The following COL24A1 variants were observed in gnomAD, a reference collection of about 807,000 sequenced individuals.
COL24A1 encodes the protein collagen alpha-1(XXIV) chain.
In COL24A1, 224 loss-of-function variants were observed where a neutral mutation model predicts 253.9. The observed-to-expected ratio is 0.88, with a 90% confidence interval of 0.79 to 0.99. The LOEUF (loss-of-function observed/expected upper bound fraction) is 0.99. Ranked by LOEUF, COL24A1 falls within the 50% of genes least tolerant of loss-of-function variation. The probability of loss-of-function intolerance (pLI) is 0.00; values close to 1 mark genes in which losing one functional copy is unlikely to be tolerated. For missense variants in COL24A1, 2,131 were observed against 2,068.5 expected (o/e 1.03, Z -0.59); for synonymous variants, 685 against 673.7 (o/e 1.02, Z -0.26).
Position 86,046,827 on chromosome 1 carries a change from GTC to G in COL24A1, c.1946_1947del (p.Arg649ThrfsTer6), listed in dbSNP as rs779258679. The G allele has an allele frequency of 1.4e-5, 23 of 1,611,372 alleles. No homozygotes were observed. Among genetic ancestry groups the G allele is most frequent in the Non-Finnish European group, 2.0e-5 (23 of 1,177,980 alleles). The stretch of plus-strand genomic sequence containing the variant: ...TCAAAAAACACAAATTAAGATACCT[GTC>G]TCCCCTTAAAACCCTTCTTTCCACG... Reference protein sequence around the residue: ...GIRGKKGFKGRQGFPGDFGDR... With the variant: ...GIRGKKGFKGXQGFPGDFGDR... On this transcript the variant is annotated frameshift_variant, in exon 12 of 60. Transcript: ENST00000370571. LOFTEE classifies it high-confidence loss of function.
chr1:86,032,021 C>T (rs527279703), intron 13 of COL24A1, 99 bp from the exon 14 acceptor site: 6 of 872,166 alleles, frequency 6.9e-6, no homozygotes, highest in African/African-American at 5.2e-5. Context: ...AAGAATACAT[C>T]AAAATGTACC....
intron 7 of COL24A1, among the ~76,000 whole-genome samples, chr1:86,088,792 G>A (rs967891961): frequency 3.3e-5 from 5 of 152,120 alleles, no homozygotes; most frequent in African/African-American, 1.2e-4. Context: ...AAGTCATAAA[G>A]TGACTTCAAG....
chr1:85,858,677 T>TTCCTTCCTTCCTTCCTTCCC (rs1553201597), intron 37 of COL24A1, among the ~76,000 whole-genome samples: 1 of 146,178 alleles, frequency 6.8e-6, no homozygotes, highest in East Asian at 2.0e-4. Flanking sequence ...CCTTCCTTCC[T>TTCCTTCCTTCCTTCCTTCCC]TCCCTCCGTC....
At chr1:86,146,245 A>G in intron 1 of COL24A1, 62 bp from the exon 2 acceptor site, 1 of 1,270,622 alleles carries the variant, frequency 7.9e-7, no homozygotes, top group Non-Finnish European at 1.1e-6. Context: ...ACCATATAGA[A>G]TCCAAAACAG....
chr1:86,024,501 G>T, intron 14 of COL24A1, among the ~76,000 whole-genome samples: 1 of 151,994 alleles, frequency 6.6e-6, no homozygotes, highest in Non-Finnish European at 1.5e-5. Flanking sequence ...ATTTCAGAAT[G>T]GAAAATAAGA....
At chr1:85,992,071 A>C (rs932421607) in intron 19 of COL24A1, among the ~76,000 whole-genome samples, 25 of 145,824 alleles carry the variant, frequency 1.7e-4, no homozygotes, top group Admixed American at 3.4e-4. Flanking sequence ...ATCCCTCTCC[A>C]CTCCCCCCAC....
chr1:85,819,990 G>A (rs575209910), intron 45 of COL24A1, among the ~76,000 whole-genome samples: 1 of 152,118 alleles, frequency 6.6e-6, no homozygotes, highest in South Asian at 2.1e-4. Context: ...TGGGATCACA[G>A]GCATGCACCA....
intron 7 of COL24A1, among the ~76,000 whole-genome samples, chr1:86,071,792 G>A (rs1701890266): frequency 6.6e-6 from 1 of 152,096 alleles, no homozygotes; most frequent in Non-Finnish European, 1.5e-5. Flanking sequence ...ATAATTGCTG[G>A]AGACTTCAAT....
At chr1:86,075,714 C>T (rs1702199727) in intron 7 of COL24A1, among the ~76,000 whole-genome samples, 1 of 152,164 alleles carries the variant, frequency 6.6e-6, no homozygotes, top group Non-Finnish European at 1.5e-5. Flanking sequence ...TCAGCTTCAT[C>T]CCTAGGATGC....
chr1:85,828,489 T>C (rs1674704293), intron 43 of COL24A1, among the ~76,000 whole-genome samples: 1 of 151,422 alleles, frequency 6.6e-6, no homozygotes, highest in Non-Finnish European at 1.5e-5. Context: ...GTTGACTTTC[T>C]GTCTCGTTGA....
At chr1:85,824,788 T>G (rs1361373464) in intron 43 of COL24A1, among the ~76,000 whole-genome samples, 2 of 152,138 alleles carry the variant, frequency 1.3e-5, no homozygotes, top group Non-Finnish European at 2.9e-5. Context: ...CTCAATCAGA[T>G]TTCTTTCTCC....
In COL24A1 at chr1:85,971,371, G is replaced by A; in HGVS notation, c.2387C>T (p.Pro796Leu). ...GPKGLLGNRG[P>L]PGPPGLKGTQ... is the part of the protein sequence containing the mutation. The stretch of plus-strand genomic sequence containing the variant: ...TCCTTTGAGACCAGGAGGTCCAGGA[G>A]GTCCTCTATTTCCAAGGAGTCCCTA... Residue 796 changes from proline to leucine, a missense_variant, in exon 21 of 60, where the codon CCT becomes CTT. Pro to Leu is a moderately conservative substitution (Grantham distance 98). Transcript: ENST00000370571. The A allele has an allele frequency of 1.2e-6, 2 of 1,612,458 alleles. No homozygotes were observed. Among genetic ancestry groups the A allele is most frequent in the South Asian group, 1.1e-5 (1 of 90,842 alleles).
intron 18 of COL24A1, among the ~76,000 whole-genome samples, chr1:86,019,675 C>T (rs1003545027): frequency 1.3e-5 from 2 of 151,864 alleles, no homozygotes; most frequent in African/African-American, 2.4e-5. Context: ...TTATCTTCGG[C>T]CCAAAGTAGT....
chr1:86,153,384 G>A (rs1270760106), intron 1 of COL24A1, among the ~76,000 whole-genome samples: 1 of 152,186 alleles, frequency 6.6e-6, no homozygotes, highest in Non-Finnish European at 1.5e-5. Context: ...TGGGCCCATA[G>A]TTGGAGCTCA....
intron 47 of COL24A1, among the ~76,000 whole-genome samples, chr1:85,793,013 T>G (rs1570638102): frequency 6.6e-6 from 1 of 152,310 alleles, no homozygotes; most frequent in South Asian, 2.1e-4. Flanking sequence ...GAAGGTCTGG[T>G]TGAGAGAATG....
intron 38 of COL24A1, among the ~76,000 whole-genome samples, chr1:85,848,014 C>A (rs998755009): frequency 9.2e-5 from 14 of 151,992 alleles, no homozygotes; most frequent in African/African-American, 2.7e-4. Context: ...CATGTTGAAT[C>A]CAAATAACCG....
At chr1:86,145,798 G>GTCA (rs1296531078) in intron 2 of COL24A1, among the ~76,000 whole-genome samples, 1 of 151,980 alleles carries the variant, frequency 6.6e-6, no homozygotes, top group Non-Finnish European at 1.5e-5. Context: ...AGGTAATTCA[G>GTCA]TCACAGTTTG....
rs113640305 is a variant in COL24A1, at chr1:86,083,894, T to C, written c.1707+5280A>G. Among the ~76,000 whole-genome samples, 252 of 152,370 alleles carry C rather than the reference T, an allele frequency of 1.7e-3. 1 individual carries two copies. Among genetic ancestry groups the C allele is most frequent in the African/African-American group, 5.9e-3 (246 of 41,586 alleles). ...CCTTACATTATACTTAAGCAACTTA[T>C]ACCATATTTCCTAAATCCATATATT... On this transcript the variant is annotated intron_variant, in intron 7 of 59. Transcript: ENST00000370571.
chr1:85,744,962 T>C, intron 56 of COL24A1, 128 bp from the exon 57 acceptor site: 1 of 665,100 alleles, frequency 1.5e-6, no homozygotes, highest in Admixed American at 2.9e-5. Context: ...ACAGTTTATA[T>C]TTAAGCATAG....
Sources: gnomAD v4.1 joint callset for allele counts (sites outside exome capture counted in the v4.1 genomes callset) on GRCh38, gnomAD v4.1.1 for gene constraint, MANE v1.5 for transcripts, NCBI Gene and HGNC (gene_info 2026-07-23, HGNC 2026-07-21) for gene names.